The following MAPK10 variants were observed in gnomAD, a reference collection of about 807,000 sequenced individuals.
MAPK10 encodes the protein mitogen-activated protein kinase 10.
In MAPK10, 25 loss-of-function variants were observed where a neutral mutation model predicts 59.3. The ratio of observed to expected loss-of-function variants is 0.42; its 90% CI spans 0.31 to 0.59. The LOEUF (loss-of-function observed/expected upper bound fraction) is 0.59. MAPK10 is among the 20% of genes least tolerant of loss of function. The pLI is 0.15. For synonymous variants in MAPK10, 190 were observed against 200.5 expected, an observed-to-expected ratio of 0.95 and a Z score of 0.44; for missense variants, 351 against 568.9, an observed-to-expected ratio of 0.62 and a Z score of 3.90.
intron 2 of MAPK10, among the ~76,000 whole-genome samples, chr4:86,266,403 G>C (rs542039616): frequency 6.6e-6 from 1 of 152,252 alleles, no homozygotes; most frequent in African/African-American, 2.4e-5. Context: ...CTACCTCACA[G>C]TATTGCTGTG....
chr4:86,064,207 T>G, intron 11 of MAPK10, 59 bp downstream of exon 11: 1 of 1,603,538 alleles, frequency 6.2e-7, no homozygotes, highest in South Asian at 1.1e-5. Context: ...TCCTATTCAG[T>G]TTTTGCTATG....
chr4:86,203,234 T>A (rs1197128604), intron 2 of MAPK10, among the ~76,000 whole-genome samples: 1 of 151,972 alleles, frequency 6.6e-6, no homozygotes, highest in Admixed American at 6.6e-5. Context: ...TATATGTCTA[T>A]AGGAATTACT....
intron 2 of MAPK10, among the ~76,000 whole-genome samples, chr4:86,301,958 G>C (rs1179158410): frequency 4.6e-5 from 7 of 151,820 alleles, no homozygotes; most frequent in Non-Finnish European, 7.4e-5. Flanking sequence ...AAATTTCTCA[G>C]CCATTTCACT....
intron 1 of MAPK10, among the ~76,000 whole-genome samples, chr4:86,518,673 C>A (rs1056138438): frequency 8.0e-6 from 1 of 124,412 alleles, no homozygotes; most frequent in Non-Finnish European, 1.7e-5. Flanking sequence ...TTGGTTTGTT[C>A]TTGTTTCTCT....
intron 4 of MAPK10, among the ~76,000 whole-genome samples, chr4:86,154,536 C>A (rs1040684461): frequency 6.6e-5 from 10 of 152,066 alleles, no homozygotes; most frequent in Non-Finnish European, 1.5e-4. Flanking sequence ...ATGTGCTGAC[C>A]TTTACAATTT....
At chr4:86,547,856 C>G (rs4407468) in intron 1 of MAPK10, among the ~76,000 whole-genome samples, 34,377 of 152,094 alleles carry the variant, frequency 0.23, 4,603 homozygotes, top group Admixed American at 0.3. Context: ...CCAATCGACA[C>G]TCTGTATTTA....
In MAPK10 at chr4:86,244,188, A is replaced by G. The variant is rs114048624; in HGVS notation, c.-6-49781T>C. On this transcript the variant is annotated intron_variant, in intron 2 of 13. Coordinates refer to ENST00000641462, the MANE Select transcript of MAPK10 (RefSeq NM_138982.4). ...ATAGCTCTTAGATTACAACTGAAAA[A>G]GCATAAAAAGGAGGAGAGACAAAGT... 4.6e-3 allele frequency among the ~76,000 whole-genome samples: 699 copies of G among 152,298 alleles called. 2 individuals carry two copies. The highest frequency in any genetic ancestry group is 0.016 in the African/African-American group (658 of 41,562).
intron 2 of MAPK10, among the ~76,000 whole-genome samples, chr4:86,272,023 T>C (rs1309382990): frequency 6.6e-6 from 1 of 152,050 alleles, no homozygotes; most frequent in Non-Finnish European, 1.5e-5. Context: ...CAGTGTCTAT[T>C]GTGGCCATCT....
chr4:86,349,742 A>G (rs990881392), intron 2 of MAPK10, among the ~76,000 whole-genome samples: 25 of 152,214 alleles, frequency 1.6e-4, no homozygotes, highest in Non-Finnish European at 2.9e-5. Context: ...TCTTGTGAAA[A>G]TGCAGATTCT....
intron 3 of MAPK10, among the ~76,000 whole-genome samples, chr4:86,167,685 T>C (rs1379067279): frequency 6.6e-6 from 1 of 152,116 alleles, no homozygotes; most frequent in Non-Finnish European, 1.5e-5. Flanking sequence ...TGTTAAAAAC[T>C]CTCAATAAAC....
At chr4:86,241,675 A>T (rs2092729301) in intron 2 of MAPK10, among the ~76,000 whole-genome samples, 1 of 152,010 alleles carries the variant, frequency 6.6e-6, no homozygotes, top group Non-Finnish European at 1.5e-5. Context: ...TTTCAACTCC[A>T]TCTGGTTGTT....
chr4:86,207,571 C>T (rs1326822085), intron 2 of MAPK10, among the ~76,000 whole-genome samples: 1 of 151,936 alleles, frequency 6.6e-6, no homozygotes, highest in Non-Finnish European at 1.5e-5. Context: ...TAGTTTTTTC[C>T]AATTCTCTGA....
intron 4 of MAPK10, among the ~76,000 whole-genome samples, chr4:86,158,039 G>A (rs575844869): frequency 7.2e-5 from 11 of 151,888 alleles, no homozygotes; most frequent in African/African-American, 1.4e-4. Flanking sequence ...TTTTTCTCCC[G>A]CCACTGGTAA....
chr4:86,259,456 CT>C (rs1242803783), intron 2 of MAPK10, among the ~76,000 whole-genome samples: 3 of 152,020 alleles, frequency 2.0e-5, no homozygotes, highest in Non-Finnish European at 4.4e-5. Context: ...AGTACTATTT[CT>C]AAGTTAAATA....
intron 1 of MAPK10, among the ~76,000 whole-genome samples, chr4:86,496,826 T>A (rs1472656761): frequency 6.6e-6 from 1 of 152,064 alleles, no homozygotes; most frequent in Non-Finnish European, 1.5e-5. Flanking sequence ...CATTACTCAA[T>A]ACTCCTTTGC....
chr4:86,515,062 A>G (rs1451803118), intron 1 of MAPK10, among the ~76,000 whole-genome samples: 1 of 152,068 alleles, frequency 6.6e-6, no homozygotes, highest in Non-Finnish European at 1.5e-5. Context: ...TTGCATCCTC[A>G]TAGCTTATTT....
At chr4:86,149,264 G>A (rs1469326447) in intron 4 of MAPK10, among the ~76,000 whole-genome samples, 1 of 151,952 alleles carries the variant, frequency 6.6e-6, no homozygotes, top group Non-Finnish European at 1.5e-5. Flanking sequence ...GATTTTATTT[G>A]TTTATTTATT....
At chr4:86,165,587 G>T (rs2071419637) in intron 3 of MAPK10, among the ~76,000 whole-genome samples, 1 of 91,958 alleles carries the variant, frequency 1.1e-5, no homozygotes, top group African/African-American at 4.0e-5. Context: ...TTTTTTTAGA[G>T]ATGAGGTCTC....
chr4:86,254,773 G>C (rs1205687307), intron 2 of MAPK10, among the ~76,000 whole-genome samples: 1 of 150,570 alleles, frequency 6.6e-6, no homozygotes. Flanking sequence ...TTGACAGTGG[G>C]GTGTTAAAGT....
Sources: allele counts gnomAD v4.1 joint callset (sites outside exome capture counted in the v4.1 genomes callset), GRCh38; gene constraint gnomAD v4.1.1; transcripts MANE v1.5; gene names NCBI Gene and HGNC (gene_info 2026-07-23, HGNC 2026-07-21).